Variants in KHDRBS2 observed in about 807,000 individuals in gnomAD.
KHDRBS2 encodes KH RNA binding domain containing, signal transduction associated 2.
KHDRBS2 carries 26 observed loss-of-function variants against 44.3 expected under a neutral mutation model. The observed-to-expected ratio is 0.59, with a 90% CI of 0.43 to 0.81. KHDRBS2 has a LOEUF of 0.81. Among genes scored for constraint, KHDRBS2 ranks in the 40% least tolerant of loss-of-function variants. The pLI, the probability that KHDRBS2 is intolerant of heterozygous loss-of-function variation, is 0.00. For missense variants in KHDRBS2, 476 were observed against 433.1 expected, an observed-to-expected ratio of 1.10 and a Z score of -0.88; for synonymous variants, 194 against 151.1, an observed-to-expected ratio of 1.28 and a Z score of -2.08.
intron 6 of KHDRBS2, among the ~76,000 whole-genome samples, chr6:61,769,390 G>T (rs1441548935): frequency 6.6e-6 from 1 of 152,168 alleles, no homozygotes; most frequent in African/African-American, 2.4e-5. Flanking sequence ...AGCACAAGGG[G>T]TCAGGGAATT....
chr6:61,572,436 A>G, the KHDRBS2 span, among the ~76,000 whole-genome samples: 7 of 152,126 alleles, frequency 4.6e-5, no homozygotes, highest in African/African-American at 1.7e-4. Flanking sequence ...ATTTCAAAAG[A>G]TAAAGAGGGA....
chr6:62,032,651 T>TAA (rs1296858364), intron 3 of KHDRBS2, among the ~76,000 whole-genome samples: 3 of 151,912 alleles, frequency 2.0e-5, no homozygotes, highest in Non-Finnish European at 4.4e-5. Flanking sequence ...ACCACAGTAT[T>TAA]ACAGGGCTTG....
At chr6:61,909,358 C>A (rs903764031) in intron 4 of KHDRBS2, among the ~76,000 whole-genome samples, 85 of 152,188 alleles carry the variant, frequency 5.6e-4, no homozygotes, top group African/African-American at 2.0e-3. Context: ...TATGAGCCAC[C>A]GTGCCTGGCC....
At chr6:61,700,360 A>G (rs933294224) in intron 7 of KHDRBS2, among the ~76,000 whole-genome samples, 1 of 150,876 alleles carries the variant, frequency 6.6e-6, no homozygotes, top group African/African-American at 2.4e-5. Context: ...GTCTATCATA[A>G]GTGATACATA....
At chr6:61,834,370 T>C (rs1252590166) in intron 6 of KHDRBS2, among the ~76,000 whole-genome samples, 1 of 152,032 alleles carries the variant, frequency 6.6e-6, no homozygotes, top group Non-Finnish European at 1.5e-5. Flanking sequence ...TAAAATACAA[T>C]GAAACTACAT....
chr6:62,246,103 T>C (rs1835500034), intron 1 of KHDRBS2, among the ~76,000 whole-genome samples: 1 of 2,526 alleles, frequency 4.0e-4, no homozygotes, highest in South Asian at 8.6e-3. Flanking sequence ...CAATCAATTT[T>C]ATATATATAT....
chr6:61,754,278 C>CA (rs1274231369), intron 6 of KHDRBS2, among the ~76,000 whole-genome samples: 1 of 151,928 alleles, frequency 6.6e-6, no homozygotes, highest in East Asian at 1.9e-4. Flanking sequence ...TGAGGGACCA[C>CA]AAAAAAATGG....
Position 62,177,185 on chromosome 6 carries a change from CT to C in KHDRBS2, c.218del (p.Lys73SerfsTer16). 1 of 1,557,658 alleles carries C rather than the reference CT, an allele frequency of 6.4e-7. No homozygotes were observed. Among genetic ancestry groups the C allele is most frequent in the Non-Finnish European group, 8.8e-7 (1 of 1,134,212 alleles). ...RVLIPVKQYP[K>X]FNFVGKLLGP... ...GAGAACAAAGTATATATGGTAGTAC[CT>C]TTGGATACTGCTTGACAGGAATCAG... On this transcript the variant is annotated frameshift_variant and splice_region_variant, in exon 2 of 9. Transcript: ENST00000281156. LOFTEE classifies it high-confidence loss of function.
chr6:61,910,053 C>A (rs1041104199), intron 4 of KHDRBS2, among the ~76,000 whole-genome samples: 7 of 152,116 alleles, frequency 4.6e-5, no homozygotes, highest in African/African-American at 1.4e-4. Context: ...ACAAAGAGAA[C>A]TGGAATTTTC....
intron 1 of KHDRBS2, among the ~76,000 whole-genome samples, chr6:62,185,472 A>C (rs1167248169): frequency 6.6e-6 from 1 of 151,978 alleles, no homozygotes; most frequent in Non-Finnish European, 1.5e-5. Flanking sequence ...AAGGGATGGA[A>C]AGTTGTTCTT....
chr6:61,579,827 G>A, the KHDRBS2 span, among the ~76,000 whole-genome samples: 1 of 145,100 alleles, frequency 6.9e-6, no homozygotes, highest in Non-Finnish European at 1.5e-5. Context: ...GGAGGCCGAG[G>A]TGGGTGGATC....
chr6:61,752,483 T>C (rs1218273517), intron 6 of KHDRBS2, among the ~76,000 whole-genome samples: 1 of 152,060 alleles, frequency 6.6e-6, no homozygotes, highest in Non-Finnish European at 1.5e-5. Flanking sequence ...TACAAAATAA[T>C]TATAGCTGAA....
Position 61,795,184 on chromosome 6 carries a change from T to A in KHDRBS2, c.811-62420A>T, listed in dbSNP as rs145375037. The stretch of plus-strand genomic sequence containing the variant: ...AAAAAAAAAAAAGAAAAACATATTT[T>A]AGTTTTTCTACACTACTTTCTAATT... On this transcript the variant is annotated intron_variant, in intron 6 of 8. Transcript: ENST00000281156. 5.1e-4 allele frequency among the ~76,000 whole-genome samples: 77 copies of A among 150,764 alleles called. No individual in the cohort carries two copies. The East Asian group carries it at 0.014, about 28-fold the overall frequency.
intron 1 of KHDRBS2, among the ~76,000 whole-genome samples, chr6:62,256,149 A>AC (rs199967119): frequency 2.6e-5 from 4 of 151,130 alleles, no homozygotes; most frequent in Non-Finnish European, 4.4e-5. Context: ...AGAAAAAAAA[A>AC]CCCTCAAAAC....
chr6:61,664,248 A>G, the KHDRBS2 span, among the ~76,000 whole-genome samples: 1 of 151,816 alleles, frequency 6.6e-6, no homozygotes, highest in East Asian at 1.9e-4. Context: ...CTGAAAATAT[A>G]GTATCAATGG....
intron 2 of KHDRBS2, among the ~76,000 whole-genome samples, chr6:62,167,223 G>C (rs1369957410): frequency 6.6e-6 from 1 of 152,028 alleles, no homozygotes; most frequent in African/African-American, 2.4e-5. Flanking sequence ...TTCACTAGAT[G>C]TAGAAAAGAA....
chr6:61,677,052 T>C (rs373825105), downstream of KHDRBS2, among the ~76,000 whole-genome samples: 20 of 152,052 alleles, frequency 1.3e-4, no homozygotes, highest in East Asian at 2.1e-3. Context: ...TTAAAAATAA[T>C]GTTCTCTTTT....
intron 3 of KHDRBS2, among the ~76,000 whole-genome samples, chr6:62,016,473 C>T (rs558892565): frequency 6.6e-6 from 1 of 150,608 alleles, no homozygotes; most frequent in African/African-American, 2.4e-5. Flanking sequence ...AACATATACA[C>T]ATATGTATAT....
chr6:61,736,132 G>C (rs1775302912), intron 6 of KHDRBS2, among the ~76,000 whole-genome samples: 1 of 140,928 alleles, frequency 7.1e-6, no homozygotes. Flanking sequence ...ACCCTTACTA[G>C]TGAGATTGAG....
Sources: gnomAD v4.1 joint callset for allele counts (sites outside exome capture counted in the v4.1 genomes callset) on GRCh38, gnomAD v4.1.1 for gene constraint, MANE v1.5 for transcripts, NCBI Gene and HGNC (gene_info 2026-07-23, HGNC 2026-07-21) for gene names.